SYT2: variants seen among roughly 807,000 people sequenced by gnomAD.
SYT2 encodes synaptotagmin 2.
A neutral mutation model predicts 39.9 loss-of-function variants in SYT2; 15 were observed. That is an observed-to-expected ratio of 0.38 (90% CI 0.25 to 0.58). The LOEUF is 0.58. SYT2 is among the 20% of genes least tolerant of loss of function. The probability of loss-of-function intolerance (pLI) is 0.70; values close to 1 mark genes in which losing one functional copy is unlikely to be tolerated. For synonymous variants in SYT2, 181 were observed against 204.5 expected (o/e 0.89, Z 0.98); for missense variants, 389 against 530.3 (o/e 0.73, Z 2.62).
intron 1 of SYT2, among the ~76,000 whole-genome samples, chr1:202,691,729 G>GA (rs1558463402): frequency 5.5e-4 from 13 of 23,458 alleles, no homozygotes; most frequent in Admixed American, 1.0e-3. Context: ...GAGGGAGAGG[G>GA]GGGGAGAGAG....
At chr1:202,673,781 A>G (rs567494304) in intron 1 of SYT2, among the ~76,000 whole-genome samples, 1 of 152,322 alleles carries the variant, frequency 6.6e-6, no homozygotes, top group East Asian at 1.9e-4. Context: ...TGCATTTTCT[A>G]CATCTGTACA....
intron 1 of SYT2, among the ~76,000 whole-genome samples, chr1:202,641,739 T>G (rs963823617): frequency 6.6e-6 from 1 of 152,200 alleles, no homozygotes; most frequent in Non-Finnish European, 1.5e-5. Context: ...TGCAGCCCTG[T>G]CTGGAGGTAG....
intron 1 of SYT2, among the ~76,000 whole-genome samples, chr1:202,633,528 C>T (rs1558440501): frequency 6.6e-6 from 1 of 152,172 alleles, no homozygotes; most frequent in African/African-American, 2.4e-5. Flanking sequence ...GCCTTTAACA[C>T]ACTGGGTGGG....
At chr1:202,632,561 C>A in intron 1 of SYT2, 1 of 985,338 alleles carries the variant, frequency 1.0e-6, no homozygotes, top group Non-Finnish European at 1.2e-6. Flanking sequence ...CCTGTTCTGT[C>A]GATGAGAAGA....
intron 1 of SYT2, among the ~76,000 whole-genome samples, chr1:202,610,609 G>A (rs1227756883): frequency 1.3e-5 from 2 of 152,152 alleles, no homozygotes; most frequent in Non-Finnish European, 2.9e-5. Context: ...TAAGCTGATA[G>A]GCAACTTCAG....
At chr1:202,709,120 C>T (rs1654325703) in intron 1 of SYT2, among the ~76,000 whole-genome samples, 1 of 152,224 alleles carries the variant, frequency 6.6e-6, no homozygotes, top group Admixed American at 6.5e-5. Flanking sequence ...AGGACTTCCT[C>T]CTCCTTATAA....
In SYT2 at chr1:202,636,304, T is replaced by C. The variant is rs557654254; in HGVS notation, c.-17-30515A>G. ...CCAAGTGGCCTCACTGGGAGAGCAG[T>C]CCACTGGGTTTGGTGCCCTTGGTAG... On this transcript the variant is annotated intron_variant, in intron 1 of 8. Coordinates refer to ENST00000367268, the MANE Select transcript of SYT2 (RefSeq NM_177402.5). 41 of 937,498 alleles carry C rather than the reference T, an allele frequency of 4.4e-5. No individual in the cohort carries two copies. In the African/African-American group the frequency reaches 6.7e-4, roughly 15 times the overall value. The allele number at this position is 937,498 out of a possible 1,614,324, so 58.1% of individuals were successfully genotyped here. A position where few individuals can be genotyped will look rare whatever the true frequency, so the allele number is the denominator to read the frequency against.
chr1:202,674,471 G>T (rs1291847201), intron 1 of SYT2, among the ~76,000 whole-genome samples: 6 of 152,182 alleles, frequency 3.9e-5, no homozygotes. Context: ...CATCTGTGTG[G>T]AAGGATGTGA....
chr1:202,674,971 T>G (rs1424536958), intron 1 of SYT2, among the ~76,000 whole-genome samples: 4 of 152,150 alleles, frequency 2.6e-5, no homozygotes, highest in African/African-American at 7.2e-5. Flanking sequence ...AGTTATCTTG[T>G]TCAGAACTCA....
In SYT2 at chr1:202,595,666, T is replaced by A. The variant is rs1345978610; in HGVS notation, c.*1091A>T. ...ATAACGTGTCTTCAGACAGTGTTGCTCCACTTAAAAGAGAAACAGAAGCAA... is the reference window on the plus strand; with the variant it reads ...ATAACGTGTCTTCAGACAGTGTTGCACCACTTAAAAGAGAAACAGAAGCAA... On this transcript the variant is annotated 3_prime_UTR_variant, in exon 9 of 9. Coordinates refer to ENST00000367268, the MANE Select transcript of SYT2 (RefSeq NM_177402.5). 1 of 152,226 alleles carries A rather than the reference T, an allele frequency of 6.6e-6. No individual in the cohort carries two copies. The highest frequency in any genetic ancestry group is 2.4e-5 in the African/African-American group (1 of 41,464). The allele number at this position is 152,226 out of a possible 1,614,324, so 9.4% of individuals were successfully genotyped here.
At chr1:202,709,640 A>C (rs1654342629) in intron 1 of SYT2, among the ~76,000 whole-genome samples, 1 of 151,888 alleles carries the variant, frequency 6.6e-6, no homozygotes, top group Admixed American at 6.6e-5. Flanking sequence ...ATTTGGAGAG[A>C]GGGGAGGGGC....
At chr1:202,627,543 C>T in intron 1 of SYT2, 5 of 984,998 alleles carry the variant, frequency 5.1e-6, no homozygotes, top group Non-Finnish European at 6.0e-6. Flanking sequence ...TTGCAGTGCT[C>T]CACTATAGGT....
At chr1:202,662,599 A>T (rs1692402596) in intron 1 of SYT2, among the ~76,000 whole-genome samples, 1 of 151,982 alleles carries the variant, frequency 6.6e-6, no homozygotes, top group Non-Finnish European at 1.5e-5. Context: ...GACCCTATGT[A>T]CTCCATCCTC....
chr1:202,698,975 C>T (rs1214111441), intron 1 of SYT2, among the ~76,000 whole-genome samples: 1 of 150,450 alleles, frequency 6.6e-6, no homozygotes, highest in Non-Finnish European at 1.5e-5. Context: ...CCTCTGCATC[C>T]AGAGCTGTGT....
At chr1:202,604,369 G>GC in intron 3 of SYT2, 86 bp downstream of exon 3, 1 of 1,414,064 alleles carries the variant, frequency 7.1e-7, no homozygotes, top group Non-Finnish European at 9.8e-7. Flanking sequence ...GGCTGTGGAA[G>GC]CCCAGGAGCC....
intron 1 of SYT2, among the ~76,000 whole-genome samples, chr1:202,653,895 G>A (rs1461521678): frequency 6.6e-6 from 1 of 152,188 alleles, no homozygotes; most frequent in Non-Finnish European, 1.5e-5. Context: ...GTGTGACCTT[G>A]ACTAAGTTAT....
rs1691529242 is a variant in SYT2 at position 202,629,885 on chromosome 1, ACGGCAGG to A, written c.-17-24103_-17-24097del. 1.1e-4 allele frequency among the ~76,000 whole-genome samples: 9 copies of A among 85,492 alleles called. 1 individual carries two copies. Among genetic ancestry groups the A allele is most frequent in the Non-Finnish European group, 2.4e-4 (9 of 37,426 alleles). The allele number at this position is 85,492 out of a possible 152,430, so 56.1% of individuals were successfully genotyped here. A position where few individuals can be genotyped will look rare whatever the true frequency, so the allele number is the denominator to read the frequency against. ...CAGCTGGTGGGGGGGGGGGGGTGGT[ACGGCAGG>A]TGTGTTGCTCAGAAGTGACTCTGGA... On this transcript the variant is annotated intron_variant, in intron 1 of 8. Coordinates refer to ENST00000367268, the MANE Select transcript of SYT2 (RefSeq NM_177402.5).
chr1:202,705,869 T>G (rs1470818432), intron 1 of SYT2, among the ~76,000 whole-genome samples: 4 of 152,000 alleles, frequency 2.6e-5, no homozygotes, highest in Admixed American at 2.0e-4. Flanking sequence ...ATTTTTAAAT[T>G]TTTTGTAGAG....
chr1:202,699,046 C>A (rs1046632234), intron 1 of SYT2, among the ~76,000 whole-genome samples: 5 of 116,804 alleles, frequency 4.3e-5, no homozygotes, highest in African/African-American at 1.6e-4. Flanking sequence ...GACACAGGGT[C>A]TTGCTCTGTT....
Sources: allele counts gnomAD v4.1 joint callset (sites outside exome capture counted in the v4.1 genomes callset), GRCh38; gene constraint gnomAD v4.1.1; transcripts MANE v1.5; gene names NCBI Gene and HGNC (gene_info 2026-07-23, HGNC 2026-07-21).